The following PBLD variants were observed in gnomAD, a reference collection of about 807,000 sequenced individuals.
PBLD encodes the protein phenazine biosynthesis like protein domain containing.
In PBLD, 26 loss-of-function variants were observed where a neutral mutation model predicts 31.3. The observed-to-expected ratio is 0.83, with a 90% CI of 0.61 to 1.15. The LOEUF is 1.15. Ranked by LOEUF, PBLD falls within the 50% of genes most tolerant of loss-of-function variation. The probability of loss-of-function intolerance (pLI) is 0.00; values close to 1 mark genes in which losing one functional copy is unlikely to be tolerated. For synonymous variants in PBLD, 114 were observed against 129.0 expected, an observed-to-expected ratio of 0.88 and a Z score of 0.79; for missense variants, 307 against 351.7, an observed-to-expected ratio of 0.87 and a Z score of 1.02.
intron 1 of PBLD, among the ~76,000 whole-genome samples, chr10:68,322,341 A>T (rs139503420): frequency 2.4e-4 from 37 of 152,218 alleles, no homozygotes; most frequent in African/African-American, 8.9e-4. Flanking sequence ...ACTGAGCCGT[A>T]CATAAAATTT....
intron 1 of PBLD, among the ~76,000 whole-genome samples, chr10:68,328,870 G>A (rs889724093): frequency 1.3e-5 from 2 of 151,952 alleles, no homozygotes; most frequent in African/African-American, 4.8e-5. Context: ...CTATGTAGCG[G>A]TTTTGTTTGT....
Position 68,310,364 on chromosome 10 carries a change from A to AGT in PBLD, c.-59-3463_-59-3462dup, listed in dbSNP as rs1273667045. 2.6e-4 allele frequency among the ~76,000 whole-genome samples: 16 copies of AGT among 61,480 alleles called. No individual in the cohort carries two copies. In the South Asian group the frequency reaches 7.3e-3, roughly 28 times the overall value. The allele number at this position is 61,480 out of a possible 152,430, so 40.3% of individuals were successfully genotyped here. On this transcript the variant is annotated intron_variant, in intron 1 of 9. Coordinates refer to ENST00000358769, the MANE Select transcript of PBLD (RefSeq NM_022129.4). ...TATCATGTACAATATAATGTTTTGA[A>AGT]GTATATATATATATATATATACACA...
chr10:68,332,324 C>T (rs1005257651), intron 1 of PBLD: 2 of 152,100 alleles, frequency 1.3e-5, no homozygotes, highest in African/African-American at 2.4e-5. Context: ...GGGTGGTCGC[C>T]GCTCGGAGGC....
At chr10:68,309,655 G>A (rs10762218) in intron 1 of PBLD, among the ~76,000 whole-genome samples, 114,054 of 147,536 alleles carry the variant, frequency 0.77, 45,831 homozygotes, top group Middle Eastern at 0.86. Flanking sequence ...TAAAAATACA[G>A]AAATCAGCTG....
intron 4 of PBLD, 126 bp downstream of exon 4, chr10:68,296,140 C>A (rs2044423560): frequency 1.5e-6 from 1 of 661,696 alleles, no homozygotes; most frequent in East Asian, 2.8e-5. Flanking sequence ...TTATGAATAG[C>A]ATGAAGTAAA....
intron 1 of PBLD, among the ~76,000 whole-genome samples, chr10:68,326,113 G>C (rs940628131): frequency 6.6e-6 from 1 of 152,112 alleles, no homozygotes; most frequent in African/African-American, 2.4e-5. Context: ...CTGTTGCCGA[G>C]GTTGGAGCAC....
chr10:68,322,744 ATTTGT>A (rs1589674577), intron 1 of PBLD, among the ~76,000 whole-genome samples: 1 of 151,056 alleles, frequency 6.6e-6, no homozygotes, highest in Non-Finnish European at 1.5e-5. Flanking sequence ...TCAATGTAAG[ATTTGT>A]TTTGTTTTGT....
rs566222497 is a variant in PBLD, at chr10:68,315,777, T to C, written c.-59-8874A>G. Among the ~76,000 whole-genome samples the C allele has an allele frequency of 3.9e-5, 6 of 152,288 alleles. No individual in the cohort carries two copies. In the East Asian group the frequency reaches 9.6e-4, roughly 24 times the overall value. On this transcript the variant is annotated intron_variant, in intron 1 of 9. Coordinates refer to ENST00000358769, the MANE Select transcript of PBLD (RefSeq NM_022129.4). ...TGAAAGGTAAGGCAGAGTTACTACC[T>C]GTCTGGCTGAGTGTCAAGGGTGTGC... is the stretch of plus-strand genomic sequence containing the variant.
At chr10:68,307,781 G>A (rs956943932) in intron 1 of PBLD, among the ~76,000 whole-genome samples, 6 of 152,146 alleles carry the variant, frequency 3.9e-5, no homozygotes, top group African/African-American at 1.4e-4. Context: ...TTACAGGCAT[G>A]AGCCACCGCA....
rs2134425629 is a variant in PBLD at position 68,288,844 on chromosome 10, CTG to C, written c.512+85_512+86del. ...TCTGGCTGCGTAAATCATGGTTTGA[CTG>C]GACACAGCACAGCCAGACTAAGGAA... On this transcript the variant is annotated intron_variant, in intron 7 of 9. Coordinates refer to ENST00000358769, the MANE Select transcript of PBLD (RefSeq NM_022129.4). 6 of 1,387,026 alleles carry C rather than the reference CTG, an allele frequency of 4.3e-6. No homozygotes were observed. In the East Asian group the frequency reaches 1.1e-4, roughly 26 times the overall value. The allele number at this position is 1,387,026 out of a possible 1,614,324, so 85.9% of individuals were successfully genotyped here.
chr10:68,316,409 G>A (rs1283205046), intron 1 of PBLD, among the ~76,000 whole-genome samples: 1 of 152,000 alleles, frequency 6.6e-6, no homozygotes, highest in Non-Finnish European at 1.5e-5. Context: ...AAAGGCCAGT[G>A]AACTTGAAAA....
chr10:68,301,943 CA>C (rs2044510911), intron 2 of PBLD, among the ~76,000 whole-genome samples: 1 of 152,186 alleles, frequency 6.6e-6, no homozygotes, highest in South Asian at 2.1e-4. Context: ...GGACCAGAGA[CA>C]CGTGGAAAGT....
intron 1 of PBLD, among the ~76,000 whole-genome samples, chr10:68,330,445 T>C (rs866636034): frequency 4.6e-5 from 7 of 152,296 alleles, no homozygotes; most frequent in Admixed American, 3.9e-4. Flanking sequence ...ACATTGAAGA[T>C]TGTCTACAAT....
chr10:68,316,153 A>G (rs368740576), intron 1 of PBLD, among the ~76,000 whole-genome samples: 3 of 152,330 alleles, frequency 2.0e-5, no homozygotes, highest in Non-Finnish European at 4.4e-5. Flanking sequence ...GGGAGTCCCA[A>G]TGTCGGGCTT....
intron 1 of PBLD, among the ~76,000 whole-genome samples, chr10:68,326,917 C>A (rs1270989889): frequency 5.3e-5 from 8 of 152,148 alleles, no homozygotes; most frequent in Non-Finnish European, 1.0e-4. Context: ...TGTGGTGGCA[C>A]ATGCCTGTAA....
At chr10:68,295,754 C>A (rs567334260) in intron 4 of PBLD, among the ~76,000 whole-genome samples, 2 of 152,214 alleles carry the variant, frequency 1.3e-5, no homozygotes, top group Admixed American at 1.3e-4. Context: ...GAGTTTGACA[C>A]CAGCCTGGCC....
chr10:68,325,109 T>C (rs1488450360), intron 1 of PBLD, among the ~76,000 whole-genome samples: 1 of 150,476 alleles, frequency 6.6e-6, no homozygotes, highest in African/African-American at 2.5e-5. Flanking sequence ...CCAGGTGCGG[T>C]GGCAGGCACC....
rs1554860577 is a variant in PBLD at position 68,319,111 on chromosome 10, G to GAAAGAAAGAAAGAAAGAAAGAAAGAAA, written c.-59-12209_-59-12208insTTTCTTTCTTTCTTTCTTTCTTTCTTT. Among the ~76,000 whole-genome samples the GAAAGAAAGAAAGAAAGAAAGAAAGAAA allele has an allele frequency of 1.4e-3, 167 of 115,614 alleles. 3 individuals carry two copies. Among genetic ancestry groups the GAAAGAAAGAAAGAAAGAAAGAAAGAAA allele is most frequent in the Middle Eastern group, 4.4e-3 (1 of 228 alleles). The allele number at this position is 115,614 out of a possible 152,430, so 75.8% of individuals were successfully genotyped here. ...AGAAAGAAAGAAAGAAAGAAAGAAA[G>GAAAGAAAGAAAGAAAGAAAGAAAGAAA]GAAAAAGAAAGAAAGAGAGAAGGAG... On this transcript the variant is annotated intron_variant, in intron 1 of 9. Coordinates refer to ENST00000358769, the MANE Select transcript of PBLD (RefSeq NM_022129.4).
chr10:68,318,815 C>T (rs1014242518), intron 1 of PBLD, among the ~76,000 whole-genome samples: 15 of 151,730 alleles, frequency 9.9e-5, no homozygotes, highest in Non-Finnish European at 2.1e-4. Flanking sequence ...TCTATAATCC[C>T]AGCACTTTGG....
Sources: gnomAD v4.1 joint callset for allele counts (sites outside exome capture counted in the v4.1 genomes callset) on GRCh38, gnomAD v4.1.1 for gene constraint, MANE v1.5 for transcripts, NCBI Gene and HGNC (gene_info 2026-07-23, HGNC 2026-07-21) for gene names.